DOCK3: variants seen among roughly 807,000 people sequenced by gnomAD.
DOCK3 encodes the protein dedicator of cytokinesis 3, also known as dedicator of cytokinesis protein 3.
DOCK3 carries 60 observed loss-of-function variants against 265.6 expected under a neutral mutation model. That is an observed-to-expected ratio of 0.23 (90% CI 0.18 to 0.28). The LOEUF is 0.28. Ranked by LOEUF, DOCK3 falls within the 10% of genes least tolerant of loss-of-function variation. The pLI is 1.00. For missense variants in DOCK3, 1,981 were observed against 2,594.3 expected (o/e 0.76, Z 5.14); for synonymous variants, 881 against 938.0 (o/e 0.94, Z 1.11).
chr3:51,111,287 A>G (rs931024349), intron 9 of DOCK3, among the ~76,000 whole-genome samples: 9 of 152,326 alleles, frequency 5.9e-5, no homozygotes, highest in Admixed American at 4.6e-4. Flanking sequence ...AGGAGACATC[A>G]TGCTACTCTA....
intron 5 of DOCK3, among the ~76,000 whole-genome samples, chr3:50,964,146 C>G (rs1056485561): frequency 6.6e-6 from 1 of 152,184 alleles, no homozygotes; most frequent in African/African-American, 2.4e-5. Context: ...GAATTATCAT[C>G]AGTAGATTGA....
intron 1 of DOCK3, among the ~76,000 whole-genome samples, chr3:50,732,471 C>G (rs994693612): frequency 6.6e-6 from 1 of 152,128 alleles, no homozygotes; most frequent in Non-Finnish European, 1.5e-5. Context: ...TGGCGTGATA[C>G]GTAGCTCACA....
intron 52 of DOCK3, among the ~76,000 whole-genome samples, chr3:51,380,515 C>T (rs922441353): frequency 2.0e-5 from 3 of 152,232 alleles, no homozygotes; most frequent in African/African-American, 7.2e-5. Flanking sequence ...TATCAACACA[C>T]TGTAGTTCGC....
intron 4 of DOCK3, among the ~76,000 whole-genome samples, chr3:50,933,087 C>T (rs1174205057): frequency 4.6e-5 from 7 of 152,152 alleles, no homozygotes; most frequent in African/African-American, 1.7e-4. Flanking sequence ...GAGACTTATT[C>T]ACTATTATGA....
In DOCK3 at chr3:51,312,566, A is replaced by T. The variant is rs1560414571; in HGVS notation, c.3184A>T (p.Ile1062Phe). Residue 1062 changes from isoleucine (I) to phenylalanine (F), a missense_variant, in exon 30 of 53, where the codon ATT (isoleucine) becomes TTT (phenylalanine). Ile to Phe is a conservative substitution (Grantham distance 21). Transcript: ENST00000266037. ...TATCACCTCAGCCAAAAGGAAGAAGATTCTAGATAAGTAAGATAAACGTCT... is the reference window on the plus strand; with the variant it reads ...TATCACCTCAGCCAAAAGGAAGAAGTTTCTAGATAAGTAAGATAAACGTCT... ...EIITSAKRKK[I>F]LDKYGDMRVM... is the part of the protein sequence containing the mutation. 6.3e-7 allele frequency: 1 copy of T among 1,587,268 alleles called. No homozygotes were observed. The highest frequency in any genetic ancestry group is 8.5e-7 in the Non-Finnish European group (1 of 1,172,874).
chr3:51,026,433 G>GTTTTTTTTTTTTTTTTTT (rs34722593), intron 5 of DOCK3, among the ~76,000 whole-genome samples: 1 of 140,230 alleles, frequency 7.1e-6, no homozygotes. Flanking sequence ...TTGGCCTGTA[G>GTTTTTTTTTTTTTTTTTT]TTTTTTTTTT....
chr3:50,846,358 G>C (rs950897873), intron 3 of DOCK3, among the ~76,000 whole-genome samples: 1 of 152,172 alleles, frequency 6.6e-6, no homozygotes, highest in African/African-American at 2.4e-5. Flanking sequence ...AAAAGGTGTT[G>C]GGGCAACAGT....
intron 49 of DOCK3, among the ~76,000 whole-genome samples, chr3:51,371,092 A>G (rs1199134369): frequency 6.6e-6 from 1 of 152,176 alleles, no homozygotes; most frequent in Non-Finnish European, 1.5e-5. Context: ...CCACGTTTCT[A>G]GTCTCCTCAA....
intron 38 of DOCK3, among the ~76,000 whole-genome samples, chr3:51,343,175 G>C (rs751037141): frequency 3.3e-5 from 5 of 152,140 alleles, no homozygotes; most frequent in Admixed American, 1.3e-4. Flanking sequence ...CAAGAGAAAA[G>C]CCACCTTGGC....
intron 5 of DOCK3, among the ~76,000 whole-genome samples, chr3:50,952,746 A>G (rs1014877615): frequency 2.0e-5 from 3 of 152,102 alleles, no homozygotes; most frequent in African/African-American, 7.2e-5. Flanking sequence ...TTTATATTAT[A>G]TACTTGTGCT....
chr3:51,228,149 A>G lies in DOCK3; in HGVS notation c.1647+61A>G, dbSNP rs1169599697. 3 of 1,539,922 alleles carry G rather than the reference A, an allele frequency of 1.9e-6. No homozygotes were observed. In the East Asian group the frequency reaches 6.8e-5, roughly 35 times the overall value. On this transcript the variant is annotated intron_variant, in intron 17 of 52. Transcript: ENST00000266037. ...ACCTGCCCTGAGGCCACTCTCACAC[A>G]TGGTTCTCAGTTAGGTGGTTTTCAC...
intron 5 of DOCK3, among the ~76,000 whole-genome samples, chr3:51,049,472 T>C (rs780455940): frequency 1.8e-4 from 28 of 152,184 alleles, no homozygotes; most frequent in Non-Finnish European, 2.8e-4. Context: ...GTTCCTTTTT[T>C]AAATGGCTAG....
chr3:51,263,668 G>A (rs1434510927), intron 23 of DOCK3, among the ~76,000 whole-genome samples: 2 of 152,162 alleles, frequency 1.3e-5, no homozygotes, highest in Non-Finnish European at 2.9e-5. Context: ...GTTGTATTCA[G>A]GAGACCCATC....
At chr3:51,077,423 T>C (rs998964061) in intron 7 of DOCK3, among the ~76,000 whole-genome samples, 23 of 152,090 alleles carry the variant, frequency 1.5e-4, no homozygotes, top group African/African-American at 5.1e-4. Context: ...GGGGCAAGAA[T>C]AGAAGTAGAG....
chr3:51,026,944 G>T (rs142851874), intron 5 of DOCK3, among the ~76,000 whole-genome samples: 1,631 of 151,476 alleles, frequency 0.011, 25 homozygotes, highest in South Asian at 0.038. Flanking sequence ...GTATGGTTTT[G>T]TTGGTTGCTA....
intron 12 of DOCK3, among the ~76,000 whole-genome samples, chr3:51,181,175 A>C (rs749558521): frequency 1.1e-4 from 17 of 152,130 alleles, no homozygotes; most frequent in Non-Finnish European, 2.1e-4. Context: ...TCTAGGGTAC[A>C]TGGGCACAAC....
intron 3 of DOCK3, among the ~76,000 whole-genome samples, chr3:50,889,066 G>GGGGTGTGTGTGTGTGT (rs869046567): frequency 3.5e-4 from 47 of 134,268 alleles, no homozygotes; most frequent in African/African-American, 1.2e-3. Flanking sequence ...TTAAGCCATG[G>GGGGTGTGTGTGTGTGT]GTGTGTGTGT....
At chr3:50,953,622 A>G (rs2076651358) in intron 5 of DOCK3, among the ~76,000 whole-genome samples, 1 of 152,156 alleles carries the variant, frequency 6.6e-6, no homozygotes, top group Non-Finnish European at 1.5e-5. Context: ...AATTATGTAT[A>G]CAAATACATA....
chr3:50,937,103 C>G (rs1044561645), intron 5 of DOCK3, among the ~76,000 whole-genome samples: 1 of 150,414 alleles, frequency 6.6e-6, no homozygotes, highest in Admixed American at 6.7e-5. Flanking sequence ...GTGGTGAAAC[C>G]CTGTCTCTAC....
Sources: allele counts gnomAD v4.1 joint callset (sites outside exome capture counted in the v4.1 genomes callset), GRCh38; gene constraint gnomAD v4.1.1; transcripts MANE v1.5; gene names NCBI Gene and HGNC (gene_info 2026-07-23, HGNC 2026-07-21).